ANK3: variants seen among roughly 807,000 people sequenced by gnomAD.
ANK3 encodes ankyrin-3.
In ANK3, 57 loss-of-function variants were observed where a neutral mutation model predicts 370.9. That is an observed-to-expected ratio of 0.15 (90% CI 0.12 to 0.19). The LOEUF (loss-of-function observed/expected upper bound fraction) is 0.19, where lower values mean the gene tolerates loss of function less well. Ranked by LOEUF, ANK3 falls within the 10% of genes least tolerant of loss-of-function variation. The probability of loss-of-function intolerance (pLI) is 1.00; values close to 1 mark genes in which losing one functional copy is unlikely to be tolerated. For missense variants in ANK3, 4,439 were observed against 5,302.1 expected, an observed-to-expected ratio of 0.84 and a Z score of 5.06; for synonymous variants, 1,929 against 1,946.3, an observed-to-expected ratio of 0.99 and a Z score of 0.23.
At chr10:60,536,636 A>G (rs1321775564) in intron 2 of ANK3, among the ~76,000 whole-genome samples, 2 of 152,004 alleles carry the variant, frequency 1.3e-5, no homozygotes, top group African/African-American at 4.8e-5. Context: ...TACGACTTCA[A>G]GAAAAGGTGA....
intron 1 of ANK3, among the ~76,000 whole-genome samples, chr10:60,682,086 A>G (rs577568229): frequency 3.3e-5 from 5 of 152,302 alleles, no homozygotes; most frequent in South Asian, 4.1e-4. Flanking sequence ...GTTCAAGACT[A>G]CAGCAAACTA....
chr10:60,561,475 A>C (rs879628251), intron 2 of ANK3, among the ~76,000 whole-genome samples: 8 of 152,198 alleles, frequency 5.3e-5, no homozygotes, highest in African/African-American at 1.9e-4. Flanking sequence ...AGGAAAGTGG[A>C]AAGTAAAATA....
chr10:60,577,894 A>G (rs1465869663), intron 2 of ANK3, among the ~76,000 whole-genome samples: 1 of 152,192 alleles, frequency 6.6e-6, no homozygotes. Context: ...GGAAATTCAG[A>G]TAGGTGTGGG....
rs560958087 is a variant in ANK3 at position 60,464,811 on chromosome 10, C to T, written c.96+150375G>A. Among the ~76,000 whole-genome samples the T allele has an allele frequency of 7.9e-4, 120 of 152,220 alleles. 2 individuals are homozygous for T. The highest frequency in any genetic ancestry group is 3.4e-3 in the Middle Eastern group (1 of 294). ...TTCTATGCTCATGATATTAAAAATGCGAAGTCACCCTAAAGCATCAAAAAA... is the reference window on the plus strand; with the variant it reads ...TTCTATGCTCATGATATTAAAAATGTGAAGTCACCCTAAAGCATCAAAAAA... On this transcript the variant is annotated intron_variant, in intron 2 of 43. Coordinates refer to the ANK3 transcript ENST00000373827.
In ANK3 at chr10:60,181,431, C is replaced by A; in HGVS notation, c.2086-4G>T. 1.2e-6 allele frequency: 2 copies of A among 1,613,696 alleles called. No individual in the cohort carries two copies. Among genetic ancestry groups the A allele is most frequent in the Non-Finnish European group, 1.7e-6 (2 of 1,179,618 alleles). On this transcript the variant is annotated splice_polypyrimidine_tract_variant and splice_region_variant and intron_variant, in intron 17 of 43. Transcript: ENST00000280772. ...AATGGAGTGGGGTCAGGCCGCTCTG[C>A]AAAAGATTCAAAGGGCACAGTCATC...
intron 1 of ANK3, among the ~76,000 whole-genome samples, chr10:60,281,798 C>T (rs72822213): frequency 0.016 from 2,502 of 152,072 alleles, 28 homozygotes; most frequent in Non-Finnish European, 0.025. Context: ...ACTAAGTCAC[C>T]GAGTCAGGTG....
At chr10:60,676,564 A>T (rs1752381854) in intron 1 of ANK3, among the ~76,000 whole-genome samples, 1 of 152,202 alleles carries the variant, frequency 6.6e-6, no homozygotes, top group Non-Finnish European at 1.5e-5. Flanking sequence ...ACACTAACAC[A>T]AATACATTTC....
At chr10:60,138,826 G>T in intron 24 of ANK3, 138 bp downstream of exon 24, 1 of 1,105,642 alleles carries the variant, frequency 9.0e-7, no homozygotes, top group Non-Finnish European at 1.3e-6. Flanking sequence ...GTGTATTTGC[G>T]TCGAGAACAT....
At chr10:60,217,999 A>G (rs907795414) in intron 8 of ANK3, among the ~76,000 whole-genome samples, 15 of 151,172 alleles carry the variant, frequency 9.9e-5, no homozygotes, top group Non-Finnish European at 1.9e-4. Flanking sequence ...TCCCTTTACC[A>G]TTATGTAATA....
intron 2 of ANK3, among the ~76,000 whole-genome samples, chr10:60,490,851 T>C (rs1042724211): frequency 1.3e-5 from 2 of 152,196 alleles, no homozygotes; most frequent in African/African-American, 4.8e-5. Flanking sequence ...TTGATAATTG[T>C]CTAAACTTAT....
intron 28 of ANK3, among the ~76,000 whole-genome samples, chr10:60,102,791 A>G (rs1188104790): frequency 6.6e-6 from 1 of 152,208 alleles, no homozygotes; most frequent in Non-Finnish European, 1.5e-5. Context: ...AGTGGCATGT[A>G]GATTGGTTAT....
chr10:60,474,153 A>C (rs1034634861), intron 2 of ANK3, among the ~76,000 whole-genome samples: 8 of 151,994 alleles, frequency 5.3e-5, no homozygotes, highest in Non-Finnish European at 1.2e-4. Context: ...TAAATTAATA[A>C]ATTAAATAAA....
chr10:60,510,779 C>A (rs999010393), intron 2 of ANK3, among the ~76,000 whole-genome samples: 1 of 151,984 alleles, frequency 6.6e-6, no homozygotes, highest in East Asian at 1.9e-4. Context: ...GATATCGCAT[C>A]ATTACACTCC....
intron 26 of ANK3, 87 bp downstream of exon 26, chr10:60,114,138 A>T: frequency 1.7e-6 from 1 of 592,544 alleles, no homozygotes; most frequent in East Asian, 3.0e-5. Context: ...ATATATATGA[A>T]GCTTGTTGAT....
chr10:60,140,662 A>C (rs2132214518), intron 23 of ANK3: 1 of 1,325,408 alleles, frequency 7.5e-7, no homozygotes, highest in Middle Eastern at 2.8e-4. Flanking sequence ...CTTCGCAGAC[A>C]TCCTTTTAAA....
At chr10:60,403,401 T>C (rs1474607752) in intron 2 of ANK3, among the ~76,000 whole-genome samples, 1 of 152,158 alleles carries the variant, frequency 6.6e-6, no homozygotes, top group Non-Finnish European at 1.5e-5. Context: ...TATGCACACA[T>C]ACACACCCCA....
At chr10:60,142,928 G>C (rs1294714777) in intron 23 of ANK3, among the ~76,000 whole-genome samples, 2 of 152,064 alleles carry the variant, frequency 1.3e-5, no homozygotes, top group Non-Finnish European at 2.9e-5. Flanking sequence ...CCATTTAACT[G>C]CTCTGAGTCA....
chr10:60,672,610 A>G (rs1015102983), intron 1 of ANK3, among the ~76,000 whole-genome samples: 3 of 152,108 alleles, frequency 2.0e-5, no homozygotes, highest in South Asian at 2.1e-4. Context: ...TATTTCTCCA[A>G]CTGAATGTTC....
At chr10:60,342,016 C>A (rs562664654) in intron 1 of ANK3, among the ~76,000 whole-genome samples, 3 of 152,130 alleles carry the variant, frequency 2.0e-5, no homozygotes, top group Non-Finnish European at 2.9e-5. Flanking sequence ...GGAAGCGAAC[C>A]AAATTTGTAG....
Sources: allele counts gnomAD v4.1 joint callset (sites outside exome capture counted in the v4.1 genomes callset), GRCh38; gene constraint gnomAD v4.1.1; transcripts MANE v1.5; gene names NCBI Gene and HGNC (gene_info 2026-07-23, HGNC 2026-07-21).